The following MLIP variants were observed in gnomAD, a reference collection of about 807,000 sequenced individuals.
MLIP encodes the protein muscular LMNA-interacting protein.
Under a neutral mutation model 84.8 loss-of-function variants are expected in MLIP, and 79 were observed. That is an observed-to-expected ratio of 0.93 (90% CI 0.78 to 1.12). The LOEUF (loss-of-function observed/expected upper bound fraction) is 1.12. Among genes scored for constraint, MLIP ranks in the 50% most tolerant of loss-of-function variants. The pLI, the probability that MLIP is intolerant of heterozygous loss-of-function variation, is 0.00. For missense variants in MLIP, 1,257 were observed against 1,160.6 expected (o/e 1.08, Z -1.21); for synonymous variants, 504 against 463.0 (o/e 1.09, Z -1.14).
intron 11 of MLIP, among the ~76,000 whole-genome samples, chr6:54,207,632 C>T (rs962283369): frequency 1.3e-5 from 2 of 152,016 alleles, no homozygotes; most frequent in African/African-American, 4.8e-5. Context: ...ACTTATTTGC[C>T]ACTCTATCAT....
chr6:54,181,370 C>T (rs780905506), intron 9 of MLIP, among the ~76,000 whole-genome samples: 5 of 149,320 alleles, frequency 3.3e-5, no homozygotes, highest in Admixed American at 1.3e-4. Context: ...CTTTAGTCAG[C>T]GTGTGGGAAA....
chr6:54,023,597 T>A (rs1763631067), intron 1 of MLIP, among the ~76,000 whole-genome samples: 1 of 152,160 alleles, frequency 6.6e-6, no homozygotes, highest in Non-Finnish European at 1.5e-5. Context: ...GAGACTGAGT[T>A]TCACTCTTGT....
At chr6:54,070,302 T>C (rs577739665) in intron 1 of MLIP, among the ~76,000 whole-genome samples, 72 of 152,232 alleles carry the variant, frequency 4.7e-4, no homozygotes, top group African/African-American at 1.6e-3. Context: ...TGATATGATG[T>C]TAGATTTTTT....
intron 4 of MLIP, among the ~76,000 whole-genome samples, chr6:54,143,626 G>A (rs140782116): frequency 1.2e-3 from 180 of 152,296 alleles, no homozygotes; most frequent in African/African-American, 4.1e-3. Flanking sequence ...GAAGAAAAAT[G>A]ACTTCAAAAA....
chr6:54,101,487 C>T (rs1221403531), intron 1 of MLIP, among the ~76,000 whole-genome samples: 2 of 151,954 alleles, frequency 1.3e-5, no homozygotes, highest in African/African-American at 2.4e-5. Flanking sequence ...AAAAATAGAA[C>T]TAAATTTCAT....
intron 13 of MLIP, among the ~76,000 whole-genome samples, chr6:54,263,691 T>A (rs1783526099): frequency 6.6e-6 from 1 of 151,724 alleles, no homozygotes; most frequent in Non-Finnish European, 1.5e-5. Flanking sequence ...AAGAATATAT[T>A]ACCTATTACC....
chr6:54,105,219 G>A (rs879382354), intron 1 of MLIP, among the ~76,000 whole-genome samples: 6 of 152,084 alleles, frequency 3.9e-5, no homozygotes, highest in Non-Finnish European at 5.9e-5. Context: ...ATGCATTTGT[G>A]GATATGACTT....
intron 4 of MLIP, among the ~76,000 whole-genome samples, 191 bp downstream of exon 4, chr6:54,138,477 T>A (rs1772020504): frequency 6.6e-6 from 1 of 152,222 alleles, no homozygotes; most frequent in Non-Finnish European, 1.5e-5. Context: ...TAGAATTATG[T>A]GTTTCAGTCA....
intron 1 of MLIP, chr6:54,047,329 G>A (rs1349072661): frequency 6.6e-6 from 1 of 152,182 alleles, no homozygotes; most frequent in Admixed American, 6.5e-5. Flanking sequence ...TTGTTGTGGA[G>A]GAGCAAGTTG....
chr6:54,180,540 C>T (rs914798067), intron 9 of MLIP, among the ~76,000 whole-genome samples: 15 of 152,126 alleles, frequency 9.9e-5, no homozygotes, highest in Middle Eastern at 3.4e-3. Flanking sequence ...TTTTTGTCTC[C>T]TCTGACTTTG....
rs763567710 is a variant in MLIP at position 54,132,487 on chromosome 6, A to G, written c.646-4228A>G. Among the ~76,000 whole-genome samples, 12 of 152,174 alleles carry G rather than the reference A, an allele frequency of 7.9e-5. 1 individual carries two copies. The highest frequency in any genetic ancestry group is 1.8e-4 in the Non-Finnish European group (12 of 68,022). Reference sequence around the variant, plus strand: ...GAATGAGGGAAAGGGAATGAAGATGATACTACCAAAATTCACTTTCCTGGT... The same window carrying G: ...GAATGAGGGAAAGGGAATGAAGATGGTACTACCAAAATTCACTTTCCTGGT... On this transcript the variant is annotated intron_variant, in intron 3 of 13. Transcript: ENST00000502396.
At chr6:54,202,295 T>A in intron 11 of MLIP, 62 bp downstream of exon 11, 1 of 742,104 alleles carries the variant, frequency 1.3e-6, no homozygotes, top group East Asian at 5.9e-5. Flanking sequence ...ATAAAATATA[T>A]ATAAATATAT....
At position 54,169,671 on chromosome 6, in the gene MLIP, GT is replaced by G. The variant is rs372252273; in HGVS notation, c.2544+106del. 1,677 of 717,976 alleles carry G rather than the reference GT, an allele frequency of 2.3e-3. 25 individuals are homozygous for G. The African/African-American group carries it at 0.03, about 13-fold the overall frequency. The allele number at this position is 717,976 out of a possible 1,614,324, so 44.5% of individuals were successfully genotyped here. A position where few individuals can be genotyped will look rare whatever the true frequency, so the allele number is the denominator to read the frequency against. On this transcript the variant is annotated intron_variant, in intron 9 of 13. Coordinates refer to ENST00000502396, the MANE Select transcript of MLIP (RefSeq NM_001281747.2). The stretch of plus-strand genomic sequence containing the variant: ...TACAGTAATTTAAATAGAATTAATT[GT>G]TTTTTTATAAGTTGAAGGGTAGGAT...
At chr6:54,162,630 A>T (rs1368498391) in intron 8 of MLIP, among the ~76,000 whole-genome samples, 1 of 151,944 alleles carries the variant, frequency 6.6e-6, no homozygotes, top group East Asian at 1.9e-4. Flanking sequence ...AGGCTTGCCA[A>T]GAGTTTGGGT....
intron 9 of MLIP, among the ~76,000 whole-genome samples, chr6:54,178,790 G>T (rs1409169355): frequency 1.3e-5 from 2 of 152,156 alleles, no homozygotes; most frequent in African/African-American, 4.8e-5. Flanking sequence ...AATGTTTTAA[G>T]ACTTGTTTTG....
chr6:54,177,137 C>T (rs1776371384), intron 9 of MLIP, among the ~76,000 whole-genome samples: 2 of 152,050 alleles, frequency 1.3e-5, no homozygotes, highest in African/African-American at 4.8e-5. Context: ...AGGACTGGCA[C>T]AGGCAAAGAT....
intron 11 of MLIP, among the ~76,000 whole-genome samples, chr6:54,214,490 C>A (rs760361270): frequency 6.6e-6 from 1 of 152,192 alleles, no homozygotes; most frequent in Non-Finnish European, 1.5e-5. Context: ...CCTATTGAGA[C>A]TTCTGTTCTT....
At chr6:54,230,178 T>C (rs1003628219) in intron 11 of MLIP, among the ~76,000 whole-genome samples, 1 of 152,158 alleles carries the variant, frequency 6.6e-6, no homozygotes, top group African/African-American at 2.4e-5. Flanking sequence ...AGACCCACCC[T>C]TCCCTGATTC....
At chr6:54,222,013 G>T (rs1020351098) in intron 11 of MLIP, among the ~76,000 whole-genome samples, 1 of 151,872 alleles carries the variant, frequency 6.6e-6, no homozygotes, top group African/African-American at 2.4e-5. Context: ...TATCAAAGAG[G>T]AAATTCAGAA....
Sources: allele counts gnomAD v4.1 joint callset (sites outside exome capture counted in the v4.1 genomes callset), GRCh38; gene constraint gnomAD v4.1.1; transcripts MANE v1.5; gene names NCBI Gene and HGNC (gene_info 2026-07-23, HGNC 2026-07-21).